Variants in NKAIN3 observed in about 807,000 individuals in gnomAD.
NKAIN3 encodes sodium/potassium-transporting ATPase subunit beta-1-interacting protein 3.
In NKAIN3, 25 loss-of-function variants were observed where a neutral mutation model predicts 30.2. That is an observed-to-expected ratio of 0.83 (90% CI 0.60 to 1.16). NKAIN3 has a LOEUF of 1.16. Among genes scored for constraint, NKAIN3 ranks in the 50% most tolerant of loss-of-function variants. The pLI is 0.00. For synonymous variants in NKAIN3, 91 were observed against 89.6 expected (o/e 1.02, Z -0.09); for missense variants, 225 against 254.1 (o/e 0.89, Z 0.78).
At chr8:62,869,407 T>C (rs1280213663) in intron 4 of NKAIN3, among the ~76,000 whole-genome samples, 1 of 152,216 alleles carries the variant, frequency 6.6e-6, no homozygotes, top group Non-Finnish European at 1.5e-5. Flanking sequence ...CTCTCACTTA[T>C]GAGTGAGAAC....
intron 4 of NKAIN3, among the ~76,000 whole-genome samples, chr8:62,808,307 C>T (rs1228010689): frequency 6.6e-6 from 1 of 152,146 alleles, no homozygotes; most frequent in Non-Finnish European, 1.5e-5. Flanking sequence ...CTTTTTGTTA[C>T]TCCGAATGTC....
chr8:62,333,577 C>T (rs1391524418), intron 1 of NKAIN3, among the ~76,000 whole-genome samples: 1 of 152,020 alleles, frequency 6.6e-6, no homozygotes, highest in Non-Finnish European at 1.5e-5. Flanking sequence ...TAAATAATCA[C>T]TTTAGAGGGA....
At chr8:62,938,758 T>G (rs1822861864) in intron 5 of NKAIN3, among the ~76,000 whole-genome samples, 1 of 152,168 alleles carries the variant, frequency 6.6e-6, no homozygotes, top group South Asian at 2.1e-4. Flanking sequence ...CAGCAGACCT[T>G]GAGCCCCAGA....
At chr8:62,679,354 G>GT (rs1364348629) in intron 3 of NKAIN3, among the ~76,000 whole-genome samples, 1 of 152,184 alleles carries the variant, frequency 6.6e-6, no homozygotes, top group Non-Finnish European at 1.5e-5. Flanking sequence ...TCTAGCAGAC[G>GT]TGAGAGACAA....
At chr8:62,456,899 T>C (rs1220128582) in intron 1 of NKAIN3, among the ~76,000 whole-genome samples, 1 of 152,232 alleles carries the variant, frequency 6.6e-6, no homozygotes, top group African/African-American at 2.4e-5. Context: ...GGCACTACTT[T>C]ATAAGAATGT....
chr8:62,809,794 G>A (rs1034756450), intron 4 of NKAIN3, among the ~76,000 whole-genome samples: 1 of 152,198 alleles, frequency 6.6e-6, no homozygotes, highest in Non-Finnish European at 1.5e-5. Context: ...GCCCGTGGTG[G>A]TCAAGTAATT....
At chr8:62,988,126 G>A (rs1200869930), downstream of NKAIN3, among the ~76,000 whole-genome samples, 2 of 152,214 alleles carry the variant, frequency 1.3e-5, no homozygotes, top group Non-Finnish European at 2.9e-5. Context: ...GCAAGAGGTG[G>A]GCTCCCACAG....
intron 1 of NKAIN3, among the ~76,000 whole-genome samples, chr8:62,442,965 T>G (rs1271190749): frequency 6.6e-6 from 1 of 151,998 alleles, no homozygotes; most frequent in African/African-American, 2.4e-5. Flanking sequence ...ATATTGATGT[T>G]TTGAAGTTTA....
chr8:62,701,772 C>A (rs970851866), intron 3 of NKAIN3, among the ~76,000 whole-genome samples: 2 of 152,180 alleles, frequency 1.3e-5, no homozygotes, highest in Non-Finnish European at 2.9e-5. Flanking sequence ...CTCTCCCAAC[C>A]GAGGAGCTGC....
intron 1 of NKAIN3, among the ~76,000 whole-genome samples, chr8:62,395,674 T>C (rs964108582): frequency 1.3e-5 from 2 of 152,208 alleles, no homozygotes; most frequent in African/African-American, 4.8e-5. Context: ...CACACATACA[T>C]ATATATCCTG....
chr8:62,285,362 T>G (rs1023427870), intron 1 of NKAIN3, among the ~76,000 whole-genome samples: 2 of 152,298 alleles, frequency 1.3e-5, no homozygotes, highest in South Asian at 4.1e-4. Flanking sequence ...GTCTGCTTTA[T>G]GGGGGGAAAT....
chr8:62,816,535 C>T (rs889167158), intron 4 of NKAIN3, among the ~76,000 whole-genome samples: 13 of 152,124 alleles, frequency 8.5e-5, no homozygotes, highest in African/African-American at 2.9e-4. Flanking sequence ...GCAGTTTGGC[C>T]ATGGCAGCTC....
At chr8:62,723,050 G>A (rs1482409205) in intron 3 of NKAIN3, among the ~76,000 whole-genome samples, 1 of 152,068 alleles carries the variant, frequency 6.6e-6, no homozygotes, top group Non-Finnish European at 1.5e-5. Flanking sequence ...AGCAAAGGAA[G>A]CAATTAAGAA....
At chr8:62,447,611 A>G (rs16928940) in intron 1 of NKAIN3, among the ~76,000 whole-genome samples, 3,453 of 152,106 alleles carry the variant, frequency 0.023, 143 homozygotes, top group African/African-American at 0.078. Flanking sequence ...TCTCTGACAT[A>G]GGTCCAACCA....
At chr8:62,296,950 C>T (rs749991943) in intron 1 of NKAIN3, among the ~76,000 whole-genome samples, 11 of 152,156 alleles carry the variant, frequency 7.2e-5, no homozygotes, top group Non-Finnish European at 1.6e-4. Context: ...ACCCAAGACC[C>T]TCACATTCTT....
chr8:62,614,971 A>G (rs1220516108), intron 3 of NKAIN3, among the ~76,000 whole-genome samples: 2 of 152,158 alleles, frequency 1.3e-5, no homozygotes, highest in Non-Finnish European at 2.9e-5. Context: ...GGACACCAAG[A>G]GCCTGCTTGG....
rs370811794 is a variant in NKAIN3, at chr8:62,859,508, T to A, written c.472-58945T>A. Among the ~76,000 whole-genome samples, 239 of 60,408 alleles carry A rather than the reference T, an allele frequency of 4.0e-3. 6 individuals carry two copies. The highest frequency in any genetic ancestry group is 9.0e-3 in the South Asian group (10 of 1,106). The allele number at this position is 60,408 out of a possible 152,430, so 39.6% of individuals were successfully genotyped here. On this transcript the variant is annotated intron_variant, in intron 4 of 6. Coordinates refer to ENST00000623646, the MANE Select transcript of NKAIN3 (RefSeq NM_001304533.3). ...ACTTTTTCTATACTCTTACTTCAACTAAAAAAAAAAAAACTTCATGGAAGT... is the reference window on the plus strand; with the variant it reads ...ACTTTTTCTATACTCTTACTTCAACAAAAAAAAAAAAAACTTCATGGAAGT...
At chr8:62,877,831 C>T (rs753147461) in intron 4 of NKAIN3, among the ~76,000 whole-genome samples, 1 of 151,896 alleles carries the variant, frequency 6.6e-6, no homozygotes, top group South Asian at 2.1e-4. Context: ...ACCTGAGGTT[C>T]GGAGTTCAAG....
intron 4 of NKAIN3, among the ~76,000 whole-genome samples, chr8:62,877,524 G>T (rs4439119): frequency 0.77 from 117,425 of 152,138 alleles, 45,940 homozygotes; most frequent in African/African-American, 0.82. Context: ...ATAATGACTT[G>T]GAAACCTCCT....
Sources: gnomAD v4.1 joint callset for allele counts (sites outside exome capture counted in the v4.1 genomes callset) on GRCh38, gnomAD v4.1.1 for gene constraint, MANE v1.5 for transcripts, NCBI Gene and HGNC (gene_info 2026-07-23, HGNC 2026-07-21) for gene names.